CRYBG1: variants seen among roughly 807,000 people sequenced by gnomAD.
The protein encoded by CRYBG1 is beta/gamma crystallin domain-containing protein 1.
In CRYBG1, 139 loss-of-function variants were observed where a neutral mutation model predicts 189.2. The observed-to-expected ratio is 0.73, with a 90% CI of 0.64 to 0.85. CRYBG1 has a LOEUF of 0.85. Among genes scored for constraint, CRYBG1 ranks in the 40% least tolerant of loss-of-function variants. The pLI is 0.00. For missense variants in CRYBG1, 2,611 were observed against 2,675.8 expected (o/e 0.98, Z 0.53); for synonymous variants, 1,023 against 1,017.1 (o/e 1.01, Z -0.11).
intron 1 of CRYBG1, among the ~76,000 whole-genome samples, chr6:106,375,373 G>A (rs964494889): frequency 4.0e-5 from 6 of 151,352 alleles, no homozygotes; most frequent in South Asian, 2.1e-4. Flanking sequence ...GAGACAGAGT[G>A]AGGCCCTGTC....
chr6:106,512,741 C>T lies in CRYBG1; in HGVS notation c.1624C>T (p.Pro542Ser), dbSNP rs1285076870. ...GPRAPAKESP[P>S]KRVPDPSPVT... ...CCGGGCTCCCGCCAAGGAGTCCCCA[C>T]CCAAGAGGGTGCCCGATCCCAGCCC... The change falls in exon 3 of 22, where the codon CCC (proline) becomes TCC (serine). Residue 542 changes from proline (P) to serine (S), a missense_variant. Coordinates refer to ENST00000633556, the MANE Select transcript of CRYBG1 (RefSeq NM_001371242.2). 3 of 1,569,988 alleles carry T rather than the reference C, an allele frequency of 1.9e-6. No homozygotes were observed. The South Asian group carries it at 3.5e-5, about 18-fold the overall frequency.
chr6:106,501,659 A>G (rs1773013725), intron 2 of CRYBG1, among the ~76,000 whole-genome samples: 1 of 152,254 alleles, frequency 6.6e-6, no homozygotes, highest in South Asian at 2.1e-4. Context: ...AGTACCCTGT[A>G]TGATAGATGT....
intron 2 of CRYBG1, among the ~76,000 whole-genome samples, chr6:106,499,488 T>G (rs1772952578): frequency 8.5e-6 from 1 of 117,788 alleles, no homozygotes; most frequent in Non-Finnish European, 1.7e-5. Context: ...TAAAAATTTT[T>G]AAATTTAAAT....
rs1304212941 is a variant in CRYBG1, at chr6:106,489,471, A to G, written c.313-21959A>G. 2.0e-5 allele frequency among the ~76,000 whole-genome samples: 3 copies of G among 152,102 alleles called. No individual in the cohort carries two copies. In the East Asian group the frequency reaches 5.8e-4, roughly 29 times the overall value. On this transcript the variant is annotated intron_variant, in intron 2 of 21. Coordinates refer to ENST00000633556, the MANE Select transcript of CRYBG1 (RefSeq NM_001371242.2). ...TACTATTTTTAATGTAAAAGTCTTT[A>G]TATAATATATAGGAAAAGATATAAT...
chr6:106,444,596 GT>G (rs1771628694), intron 1 of CRYBG1, among the ~76,000 whole-genome samples: 2 of 152,154 alleles, frequency 1.3e-5, no homozygotes, highest in Non-Finnish European at 2.9e-5. Context: ...GAGTTTCATG[GT>G]TCGTTAATCA....
At chr6:106,364,973 G>A (rs1478218986) in intron 1 of CRYBG1, among the ~76,000 whole-genome samples, 1 of 152,162 alleles carries the variant, frequency 6.6e-6, no homozygotes, top group African/African-American at 2.4e-5. Flanking sequence ...ACCAATGGGA[G>A]TTGTTTCTCT....
At chr6:106,364,997 T>A (rs522871) in intron 1 of CRYBG1, among the ~76,000 whole-genome samples, 101,210 of 152,156 alleles carry the variant, frequency 0.67, 33,842 homozygotes, top group African/African-American at 0.73. Flanking sequence ...TCTTACTAGT[T>A]TCTTGCTTAT....
At chr6:106,479,186 T>G (rs969966834) in intron 2 of CRYBG1, among the ~76,000 whole-genome samples, 2 of 152,262 alleles carry the variant, frequency 1.3e-5, no homozygotes, top group African/African-American at 4.8e-5. Context: ...GTACAAGTTT[T>G]TGTATGGACA....
At chr6:106,548,032 G>C (rs189256583) in intron 13 of CRYBG1, among the ~76,000 whole-genome samples, 25 of 152,262 alleles carry the variant, frequency 1.6e-4, no homozygotes, top group Admixed American at 5.9e-4. Context: ...GGCCTTCCAC[G>C]GAAGGGCAGG....
rs199953800 is a variant in CRYBG1 at position 106,560,864 on chromosome 6, G to A, written c.5917G>A (p.Val1973Ile). ...ACAGTTCCTATTGTCACCTGCAGAA[G>A]TACCTAATTGGTATGAATTCAGTGG... ...GRQFLLSPAE[V>I]PNWYEFSGCR... Residue 1973 changes from valine to isoleucine, a missense_variant, in exon 19 of 22, where the codon GTA (valine) becomes ATA (isoleucine). Around this residue, in one of 3 missense-constraint regions of CRYBG1, gnomAD observed 1,622 missense variants for 1,735.0 expected, o/e 0.93. Transcript: ENST00000633556. 62 of 1,613,128 alleles carry A rather than the reference G, an allele frequency of 3.8e-5. No individual in the cohort carries two copies. The highest frequency in any genetic ancestry group is 2.0e-4 in the East Asian group (9 of 44,804).
chr6:106,393,411 A>C (rs1250326883), intron 1 of CRYBG1, among the ~76,000 whole-genome samples: 1 of 7,122 alleles, frequency 1.4e-4, no homozygotes, highest in South Asian at 9.1e-3. Flanking sequence ...TGGTGAGCAA[A>C]TAAGTTCCCT....
At chr6:106,437,397 T>C (rs115930282) in intron 1 of CRYBG1, among the ~76,000 whole-genome samples, 3 of 151,838 alleles carry the variant, frequency 2.0e-5, no homozygotes, top group African/African-American at 7.2e-5. Context: ...TATTTTTGCA[T>C]AGTAAAACTA....
At chr6:106,529,367 G>T (rs73520820) in intron 7 of CRYBG1, among the ~76,000 whole-genome samples, 2 of 152,136 alleles carry the variant, frequency 1.3e-5, no homozygotes, top group Non-Finnish European at 2.9e-5. Flanking sequence ...TTCACAGATC[G>T]TGTGCATGGT....
At chr6:106,555,126 C>G (rs527254509) in intron 16 of CRYBG1, among the ~76,000 whole-genome samples, 12 of 151,572 alleles carry the variant, frequency 7.9e-5, no homozygotes, top group African/African-American at 2.9e-4. Context: ...GATCATGCCA[C>G]TGCACTCCAG....
intron 1 of CRYBG1, among the ~76,000 whole-genome samples, chr6:106,362,055 C>G (rs1329239629): frequency 1.3e-5 from 2 of 149,944 alleles, no homozygotes; most frequent in African/African-American, 4.9e-5. Flanking sequence ...ACTGCAAGCT[C>G]CACCTCCCGG....
chr6:106,533,213 A>G (rs1363916733), intron 8 of CRYBG1, among the ~76,000 whole-genome samples: 3 of 152,186 alleles, frequency 2.0e-5, no homozygotes, highest in Non-Finnish European at 4.4e-5. Flanking sequence ...CCCTGGAGCT[A>G]GCTGAGGGAA....
At position 106,530,334 on chromosome 6, in the gene CRYBG1, A is replaced by G. The variant is rs117022805; in HGVS notation, c.4718+19A>G. 1,115 of 1,591,574 alleles carry G rather than the reference A, an allele frequency of 7.0e-4. 23 individuals are homozygous for G. The East Asian group carries it at 0.024, about 35-fold the overall frequency. The stretch of plus-strand genomic sequence containing the variant: ...GGGGCACGTAAGTATTTTTTTTTCA[A>G]ACAAATTTTAATGAAGTTTTTTTGT... On this transcript the variant is annotated intron_variant, in intron 8 of 21. Coordinates refer to ENST00000633556, the MANE Select transcript of CRYBG1 (RefSeq NM_001371242.2).
At chr6:106,368,889 T>C (rs760433339) in intron 1 of CRYBG1, among the ~76,000 whole-genome samples, 2 of 152,156 alleles carry the variant, frequency 1.3e-5, no homozygotes, top group Non-Finnish European at 2.9e-5. Flanking sequence ...CAACCATAAC[T>C]TAATTCATGT....
At chr6:106,559,012 TAAAC>T (rs1225716658) in intron 18 of CRYBG1, among the ~76,000 whole-genome samples, 2 of 152,190 alleles carry the variant, frequency 1.3e-5, no homozygotes, top group Non-Finnish European at 2.9e-5. Context: ...TATATTATCT[TAAAC>T]TAATTGACAT....
Sources: gnomAD v4.1 joint callset for allele counts (sites outside exome capture counted in the v4.1 genomes callset) on GRCh38, gnomAD v4.1.1 for gene constraint, gnomAD v4.1.1 regional missense constraint, MANE v1.5 for transcripts, NCBI Gene and HGNC (gene_info 2026-07-23, HGNC 2026-07-21) for gene names.